The following EML5 variants were observed in gnomAD, a reference collection of about 807,000 sequenced individuals.
EML5 encodes echinoderm microtubule-associated protein-like 5.
In EML5, 120 loss-of-function variants were observed where a neutral mutation model predicts 250.0. That is an observed-to-expected ratio of 0.48 (90% confidence interval 0.41 to 0.56). EML5 has a LOEUF of 0.56. Among genes scored for constraint, EML5 ranks in the 20% least tolerant of loss-of-function variants. The pLI, the probability that EML5 is intolerant of heterozygous loss-of-function variation, is 0.00. For missense variants in EML5, 2,006 were observed against 2,437.6 expected (o/e 0.82, Z 3.73); for synonymous variants, 771 against 806.5 (o/e 0.96, Z 0.75).
intron 17 of EML5, among the ~76,000 whole-genome samples, chr14:88,691,858 T>C (rs1295376206): frequency 6.6e-6 from 1 of 152,222 alleles, no homozygotes; most frequent in Non-Finnish European, 1.5e-5. Context: ...ATTCATCCTT[T>C]TATGCTTCAC....
At chr14:88,681,769 G>T in intron 21 of EML5, 121 bp downstream of exon 21, 1 of 1,147,192 alleles carries the variant, frequency 8.7e-7, no homozygotes. Context: ...AGTAGACATT[G>T]AATAAATATT....
chr14:88,713,586 C>G (rs2075296944), intron 9 of EML5, among the ~76,000 whole-genome samples: 2 of 151,534 alleles, frequency 1.3e-5, no homozygotes, highest in Admixed American at 1.3e-4. Context: ...AAATGATCCT[C>G]CCACTGCAGG....
intron 27 of EML5, among the ~76,000 whole-genome samples, chr14:88,650,679 C>T (rs1254784391): frequency 6.6e-6 from 1 of 152,050 alleles, no homozygotes; most frequent in East Asian, 1.9e-4. Flanking sequence ...CACTCTGCTG[C>T]CATAGCTGGA....
At chr14:88,662,545 T>C (rs1188376851) in intron 24 of EML5, among the ~76,000 whole-genome samples, 1 of 125,068 alleles carries the variant, frequency 8.0e-6, no homozygotes, top group African/African-American at 3.6e-5. Context: ...TTTATTCCTT[T>C]TTTTTTTTTT....
intron 2 of EML5, among the ~76,000 whole-genome samples, chr14:88,748,359 C>T (rs773861001): frequency 2.6e-5 from 4 of 152,094 alleles, no homozygotes; most frequent in Non-Finnish European, 4.4e-5. Context: ...ATGAAGATAC[C>T]TCTTTGAACT....
chr14:88,769,396 G>A (rs1011599593), intron 1 of EML5, among the ~76,000 whole-genome samples: 1 of 152,164 alleles, frequency 6.6e-6, no homozygotes, highest in Non-Finnish European at 1.5e-5. Context: ...AGCCTCCCCA[G>A]AAGCAGAAAC....
At chr14:88,616,599 A>G in intron 42 of EML5, 127 bp downstream of exon 42, 2 of 948,828 alleles carry the variant, frequency 2.1e-6, no homozygotes. Flanking sequence ...AAGTAAATAG[A>G]TTTAGAAAGT....
Position 88,626,950 on chromosome 14 carries a change from T to A in EML5, c.4628A>T (p.Lys1543Ile). Residue 1543 changes from lysine (K) to isoleucine (I), a missense_variant, in exon 35 of 44, where the codon AAA becomes ATA. Physicochemically the swap from Lys to Ile is moderately radical, Grantham distance 102. Transcript: ENST00000554922. ...TGCCAGGGTCCAGAACTTCACATGT[T>A]TTACTCCCACTGAGACAAACTGGGT... ...SDTQFVSVGV[K>I]HVKFWTLAGR... The A allele has an allele frequency of 6.2e-7, 1 of 1,613,938 alleles. No individual in the cohort carries two copies. Among genetic ancestry groups the A allele is most frequent in the Non-Finnish European group, 8.5e-7 (1 of 1,179,858 alleles).
rs911973165 is a variant in EML5 at position 88,631,248 on chromosome 14, C to G, written c.4357+3221G>C. ...TTTCTTTTTGAGACAAGGTCTCACT[C>G]TGTCATCCAGGCTGGAGTGCCATGA... is the stretch of plus-strand genomic sequence containing the variant. On this transcript the variant is annotated intron_variant, in intron 33 of 43. Coordinates refer to ENST00000554922, the MANE Select transcript of EML5 (RefSeq NM_183387.3). Among the ~76,000 whole-genome samples, 3 of 152,248 alleles carry G rather than the reference C, an allele frequency of 2.0e-5. No homozygotes were observed. In the East Asian group the frequency reaches 5.8e-4, roughly 29 times the overall value.
chr14:88,650,033 T>G, intron 27 of EML5, 107 bp from the exon 28 acceptor site: 2 of 694,718 alleles, frequency 2.9e-6, no homozygotes, highest in Non-Finnish European at 4.4e-6. Flanking sequence ...TCAACAGAAT[T>G]TTAAGGAAAT....
At chr14:88,701,668 A>G (rs572120258) in intron 14 of EML5, among the ~76,000 whole-genome samples, 2 of 152,164 alleles carry the variant, frequency 1.3e-5, no homozygotes, top group African/African-American at 4.8e-5. Flanking sequence ...ATGCAAGTTG[A>G]TCCCTTTTCC....
intron 35 of EML5, 184 bp downstream of exon 35, chr14:88,626,654 A>G (rs994843769): frequency 1.2e-5 from 8 of 668,120 alleles, no homozygotes; most frequent in Non-Finnish European, 1.5e-5. Flanking sequence ...TCTCATTAAC[A>G]TTCTTTTCAC....
chr14:88,704,777 A>T, intron 13 of EML5, 83 bp downstream of exon 13: 1 of 950,560 alleles, frequency 1.1e-6, no homozygotes, highest in East Asian at 2.4e-5. Flanking sequence ...CAGGGGATAC[A>T]GTCAGTTCTA....
chr14:88,621,707 C>T (rs187815283), intron 37 of EML5: 20 of 278,520 alleles, frequency 7.2e-5, no homozygotes, highest in South Asian at 4.2e-4. Context: ...AGATAATATC[C>T]GTATGATTTA....
rs2094154904 is a variant in EML5, at chr14:88,756,072, G to A, written c.198-1401C>T. Among the ~76,000 whole-genome samples, 4 of 152,096 alleles carry A rather than the reference G, an allele frequency of 2.6e-5. No individual in the cohort carries two copies. The South Asian group carries it at 8.3e-4, about 32-fold the overall frequency. On this transcript the variant is annotated intron_variant, in intron 1 of 43. Coordinates refer to ENST00000554922, the MANE Select transcript of EML5 (RefSeq NM_183387.3). ...TTGGATGCAGGGGACAAGGGGAAGA[G>A]AGGGGTCTAAGATGACTCGGGTTTC...
intron 21 of EML5, 98 bp from the exon 22 acceptor site, chr14:88,665,587 G>T: frequency 1.3e-6 from 2 of 1,516,438 alleles, no homozygotes; most frequent in Non-Finnish European, 1.8e-6. Flanking sequence ...AGCACTCTGG[G>T]GAGCTGAGGC....
intron 7 of EML5, among the ~76,000 whole-genome samples, chr14:88,730,647 T>C (rs766717452): frequency 1.5e-4 from 23 of 152,214 alleles, no homozygotes; most frequent in Middle Eastern, 3.2e-3. Flanking sequence ...TACTACTCAA[T>C]TGTTTATTTG....
intron 1 of EML5, among the ~76,000 whole-genome samples, chr14:88,763,435 C>G (rs937536411): frequency 1.3e-5 from 2 of 151,954 alleles, no homozygotes; most frequent in Non-Finnish European, 2.9e-5. Flanking sequence ...GACACACACA[C>G]CCCCCCAAGA....
At chr14:88,679,650 C>T (rs1465252443) in intron 21 of EML5, among the ~76,000 whole-genome samples, 2 of 152,008 alleles carry the variant, frequency 1.3e-5, no homozygotes, top group Admixed American at 6.6e-5. Context: ...CAAGATCATG[C>T]CACTGCACTC....
Sources: gnomAD v4.1 joint callset for allele counts (sites outside exome capture counted in the v4.1 genomes callset) on GRCh38, gnomAD v4.1.1 for gene constraint, MANE v1.5 for transcripts, NCBI Gene and HGNC (gene_info 2026-07-23, HGNC 2026-07-21) for gene names.